KIAA1328: variants seen among roughly 807,000 people sequenced by gnomAD.
The protein encoded by KIAA1328 is KIAA1328.
In KIAA1328, 52 loss-of-function variants were observed where a neutral mutation model predicts 68.1. The observed-to-expected ratio is 0.76, with a 90% CI of 0.61 to 0.96. The LOEUF (loss-of-function observed/expected upper bound fraction) is 0.96. Among genes scored for constraint, KIAA1328 ranks in the 40% least tolerant of loss-of-function variants. The probability of loss-of-function intolerance (pLI) is 0.00; values close to 1 mark genes in which losing one functional copy is unlikely to be tolerated. For synonymous variants in KIAA1328, 232 were observed against 239.4 expected (o/e 0.97, Z 0.28); for missense variants, 641 against 677.6 (o/e 0.95, Z 0.60).
At chr18:36,915,360 T>C (rs781532955) in intron 5 of KIAA1328, among the ~76,000 whole-genome samples, 5 of 145,612 alleles carry the variant, frequency 3.4e-5, no homozygotes, top group Admixed American at 7.1e-5. Flanking sequence ...GTTTTATCTT[T>C]GAAAGATACT....
At chr18:37,076,820 T>G (rs2151776167) in intron 7 of KIAA1328, among the ~76,000 whole-genome samples, 1 of 151,964 alleles carries the variant, frequency 6.6e-6, no homozygotes, top group Non-Finnish European at 1.5e-5. Flanking sequence ...AATAACAGGA[T>G]CTGAAATTGT....
intron 5 of KIAA1328, among the ~76,000 whole-genome samples, chr18:36,888,067 ATACTT>A (rs1431912536): frequency 6.6e-6 from 1 of 152,228 alleles, no homozygotes; most frequent in Non-Finnish European, 1.5e-5. Flanking sequence ...AAACCAGTCT[ATACTT>A]AGCATGGCTG....
At chr18:36,855,753 C>T (rs773764112) in intron 4 of KIAA1328, among the ~76,000 whole-genome samples, 3 of 151,260 alleles carry the variant, frequency 2.0e-5, no homozygotes, top group South Asian at 2.1e-4. Flanking sequence ...ATTTACATCC[C>T]TGTGTTTTCT....
At chr18:36,969,137 C>T (rs1273554979) in intron 6 of KIAA1328, among the ~76,000 whole-genome samples, 1 of 152,082 alleles carries the variant, frequency 6.6e-6, no homozygotes, top group Non-Finnish European at 1.5e-5. Flanking sequence ...ACAGCTAAGG[C>T]AGTGTTAAAA....
At chr18:36,960,220 T>G (rs1051218007) in intron 6 of KIAA1328, among the ~76,000 whole-genome samples, 3 of 152,190 alleles carry the variant, frequency 2.0e-5, no homozygotes, top group African/African-American at 7.2e-5. Context: ...CGCAGCAGTC[T>G]GAGATCAACC....
intron 1 of KIAA1328, among the ~76,000 whole-genome samples, chr18:36,831,106 A>T (rs2046475448): frequency 6.6e-6 from 1 of 152,188 alleles, no homozygotes; most frequent in Admixed American, 6.5e-5. Flanking sequence ...TTCCCAGACC[A>T]CCCTAGAGCC....
Position 37,175,076 on chromosome 18 carries a change from G to T in KIAA1328, c.1523+1995G>T, listed in dbSNP as rs16968599. The stretch of plus-strand genomic sequence containing the variant: ...GAGCTTCCTCTTTGGATCACTTAAC[G>T]TTGTGGCTGAAAGCTTGTGCTCAGA... On this transcript the variant is annotated intron_variant, in intron 9 of 9. Coordinates refer to ENST00000280020, the MANE Select transcript of KIAA1328 (RefSeq NM_020776.3). Among the ~76,000 whole-genome samples, 1,055 of 152,198 alleles carry T rather than the reference G, an allele frequency of 6.9e-3. 7 individuals are homozygous for T. Among genetic ancestry groups the T allele is most frequent in the Middle Eastern group, 0.017 (5 of 294 alleles).
At chr18:36,969,036 CT>C (rs1286444677) in intron 6 of KIAA1328, among the ~76,000 whole-genome samples, 18 of 152,104 alleles carry the variant, frequency 1.2e-4, no homozygotes, top group Non-Finnish European at 2.2e-4. Flanking sequence ...TTGTGAATGA[CT>C]TTTGAGTAAA....
At chr18:36,991,952 A>G (rs1439781649) in intron 6 of KIAA1328, among the ~76,000 whole-genome samples, 2 of 152,222 alleles carry the variant, frequency 1.3e-5, no homozygotes, top group African/African-American at 4.8e-5. Context: ...TTCGGGGGCC[A>G]CCACCATAAC....
At chr18:36,998,982 A>C (rs929306868) in intron 6 of KIAA1328, among the ~76,000 whole-genome samples, 2 of 152,226 alleles carry the variant, frequency 1.3e-5, no homozygotes, top group African/African-American at 4.8e-5. Context: ...ACTGATTTTA[A>C]AGAGGCTCAG....
chr18:37,221,910 G>C (rs1227157393), intron 9 of KIAA1328, 107 bp from the exon 10 acceptor site: 2 of 1,095,574 alleles, frequency 1.8e-6, no homozygotes, highest in African/African-American at 3.1e-5. Context: ...TGCATGATGT[G>C]ATCTGTAATC....
intron 5 of KIAA1328, among the ~76,000 whole-genome samples, chr18:36,898,559 A>G (rs922324082): frequency 5.9e-5 from 9 of 151,994 alleles, no homozygotes; most frequent in African/African-American, 2.2e-4. Context: ...CCTTGCACAG[A>G]TAACAGGAAA....
At position 37,120,263 on chromosome 18, in the gene KIAA1328, G is replaced by C. The variant is rs920158568; in HGVS notation, c.1233-39937G>C. On this transcript the variant is annotated intron_variant, in intron 7 of 9. Coordinates refer to ENST00000280020, the MANE Select transcript of KIAA1328 (RefSeq NM_020776.3). ...CTACAATACTTTAGCAATAAGAAAA[G>C]ATAGGATTGCAAATAGAATTTAGTT... Among the ~76,000 whole-genome samples, 10 of 152,050 alleles carry C rather than the reference G, an allele frequency of 6.6e-5. No homozygotes were observed. The East Asian group carries it at 1.9e-3, about 29-fold the overall frequency.
intron 4 of KIAA1328, among the ~76,000 whole-genome samples, chr18:36,869,101 C>T (rs1165117146): frequency 2.8e-5 from 4 of 143,922 alleles, no homozygotes; most frequent in Admixed American, 1.4e-4. Context: ...TGTTTGGGGT[C>T]AAGGGAGTAG....
chr18:37,174,460 G>A (rs1193288089), intron 9 of KIAA1328, among the ~76,000 whole-genome samples: 1 of 141,688 alleles, frequency 7.1e-6, no homozygotes, highest in African/African-American at 2.7e-5. Context: ...TCAGCTCACT[G>A]CAACCTCCAC....
downstream of KIAA1328, chr18:37,230,573 A>G (rs752259302): frequency 6.6e-6 from 1 of 152,204 alleles, no homozygotes; most frequent in Non-Finnish European, 1.5e-5. Context: ...AGAATTCAGC[A>G]TGGTTCCTGG....
chr18:37,047,746 T>C (rs2055531768), intron 6 of KIAA1328, among the ~76,000 whole-genome samples: 1 of 152,170 alleles, frequency 6.6e-6, no homozygotes, highest in Admixed American at 6.5e-5. Context: ...GCACTCTTGA[T>C]AGACTTTATC....
At chr18:37,062,159 A>G (rs922657551) in intron 6 of KIAA1328, among the ~76,000 whole-genome samples, 9 of 152,192 alleles carry the variant, frequency 5.9e-5, no homozygotes, top group Non-Finnish European at 1.0e-4. Context: ...AAGCAATTCA[A>G]TTCTGGCCTG....
chr18:37,229,624 C>CA, downstream of KIAA1328: 1 of 1,228,366 alleles, frequency 8.1e-7, no homozygotes, highest in Non-Finnish European at 1.1e-6. Flanking sequence ...ACCTGTAATC[C>CA]CAGGCTTTGG....
Sources: gnomAD v4.1 joint callset for allele counts (sites outside exome capture counted in the v4.1 genomes callset) on GRCh38, gnomAD v4.1.1 for gene constraint, MANE v1.5 for transcripts, NCBI Gene and HGNC (gene_info 2026-07-23, HGNC 2026-07-21) for gene names.